The following FAM13C variants were observed in gnomAD, a reference collection of about 807,000 sequenced individuals.
FAM13C encodes the protein protein FAM13C.
FAM13C carries 37 observed loss-of-function variants against 73.2 expected under a neutral mutation model. The observed-to-expected ratio is 0.51, with a 90% CI of 0.39 to 0.67. FAM13C has a LOEUF of 0.67. FAM13C is among the 30% of genes least tolerant of loss of function. FAM13C has a pLI of 0.00. For missense variants in FAM13C, 589 were observed against 715.6 expected, an observed-to-expected ratio of 0.82 and a Z score of 2.02; for synonymous variants, 246 against 260.9, an observed-to-expected ratio of 0.94 and a Z score of 0.55.
At chr10:59,317,324 A>G (rs1465955143) in intron 4 of FAM13C, among the ~76,000 whole-genome samples, 1 of 152,132 alleles carries the variant, frequency 6.6e-6, no homozygotes. Flanking sequence ...AAAGTTCTAA[A>G]TTAGGTTTAA....
At chr10:59,323,653 A>G (rs1343584927) in intron 4 of FAM13C, among the ~76,000 whole-genome samples, 1 of 152,196 alleles carries the variant, frequency 6.6e-6, no homozygotes, top group African/African-American at 2.4e-5. Context: ...ATTTATCACT[A>G]TCACAAAGGA....
chr10:59,328,518 TCCATTCTAATCCCA>T (rs907887556), intron 3 of FAM13C, among the ~76,000 whole-genome samples: 51 of 147,256 alleles, frequency 3.5e-4, no homozygotes, highest in Middle Eastern at 3.4e-3. Context: ...AAAACAATAT[TCCATTCTAATCCCA>T]CCATTCTAAT....
chr10:59,330,783 C>T (rs774936641), intron 3 of FAM13C, among the ~76,000 whole-genome samples: 1 of 152,140 alleles, frequency 6.6e-6, no homozygotes, highest in South Asian at 2.1e-4. Flanking sequence ...CAGAAGGCTC[C>T]AAACAGCAAA....
chr10:59,307,697 A>T (rs1044720025), intron 4 of FAM13C, among the ~76,000 whole-genome samples: 3 of 152,216 alleles, frequency 2.0e-5, no homozygotes, highest in Non-Finnish European at 2.9e-5. Flanking sequence ...TAAACCAGTG[A>T]TTATCTATGG....
chr10:59,294,550 T>A (rs1044648308), intron 5 of FAM13C, among the ~76,000 whole-genome samples: 6 of 152,168 alleles, frequency 3.9e-5, no homozygotes, highest in African/African-American at 1.4e-4. Context: ...ACACTAAGGA[T>A]TCCCCTGAGG....
chr10:59,277,274 T>C (rs1397422683), intron 6 of FAM13C, among the ~76,000 whole-genome samples: 1 of 152,230 alleles, frequency 6.6e-6, no homozygotes, highest in Non-Finnish European at 1.5e-5. Context: ...AATGTGCATC[T>C]CTAGGAAGGG....
At chr10:59,314,915 G>C (rs1479765203) in intron 4 of FAM13C, among the ~76,000 whole-genome samples, 4 of 152,174 alleles carry the variant, frequency 2.6e-5, no homozygotes, top group Non-Finnish European at 5.9e-5. Flanking sequence ...ATCATCTGTA[G>C]TATTTGGTTT....
rs1267252162 is a variant in FAM13C, at chr10:59,322,211, T to C, written c.443+1777A>G. ...TGTAATATTTTGAGATGGATTTTTT[T>C]AAAGTTCCATTAGAATGTCCCTTGG... On this transcript the variant is annotated intron_variant, in intron 4 of 13. Coordinates refer to ENST00000618804, the MANE Select transcript of FAM13C (RefSeq NM_198215.4). Among the ~76,000 whole-genome samples the C allele has an allele frequency of 2.7e-5, 4 of 150,078 alleles. No individual in the cohort carries two copies. In the East Asian group the frequency reaches 7.9e-4, roughly 30 times the overall value.
intron 2 of FAM13C, among the ~76,000 whole-genome samples, chr10:59,352,998 A>G (rs1855271937): frequency 6.6e-6 from 1 of 152,154 alleles, no homozygotes; most frequent in Admixed American, 6.5e-5. Flanking sequence ...TCATCCCCCT[A>G]CAACTTTCAG....
At chr10:59,289,702 A>T (rs557774066) in intron 5 of FAM13C, among the ~76,000 whole-genome samples, 1 of 152,324 alleles carries the variant, frequency 6.6e-6, no homozygotes, top group Admixed American at 6.5e-5. Context: ...GGAGTGAGTG[A>T]CTAACCACCC....
upstream of FAM13C, chr10:59,363,113 T>C (rs374280724): frequency 4.7e-3 from 727 of 155,244 alleles, 3 homozygotes; most frequent in Non-Finnish European, 7.1e-3. Context: ...TCACACCTGA[T>C]CTGTCTAGAG....
intron 3 of FAM13C, among the ~76,000 whole-genome samples, chr10:59,336,159 TTGTGCTCAAAAA>T (rs1213470648): frequency 6.6e-6 from 1 of 152,174 alleles, no homozygotes; most frequent in Admixed American, 6.5e-5. Context: ...CACAGTAAAA[TTGTGCTCAAAAA>T]TAATCCAACA....
chr10:59,285,481 C>A (rs539011123), intron 5 of FAM13C, among the ~76,000 whole-genome samples: 1 of 152,274 alleles, frequency 6.6e-6, no homozygotes, highest in Non-Finnish European at 1.5e-5. Flanking sequence ...TGAAGATTAA[C>A]AAATAATGCC....
At chr10:59,343,068 A>G in intron 3 of FAM13C, among the ~76,000 whole-genome samples, 1 of 152,214 alleles carries the variant, frequency 6.6e-6, no homozygotes, top group East Asian at 1.9e-4. Context: ...AAATCATGGC[A>G]CCACAGGTTC....
intron 3 of FAM13C, among the ~76,000 whole-genome samples, chr10:59,334,383 A>G (rs1300787782): frequency 6.6e-6 from 1 of 152,198 alleles, no homozygotes; most frequent in Non-Finnish European, 1.5e-5. Flanking sequence ...GTTAATGGTA[A>G]TTCAAATATG....
chr10:59,343,825 C>T (rs572781903), intron 3 of FAM13C, among the ~76,000 whole-genome samples: 3 of 152,072 alleles, frequency 2.0e-5, no homozygotes, highest in African/African-American at 4.8e-5. Flanking sequence ...TAAATCACTA[C>T]GTATTTGGGT....
At chr10:59,291,524 T>G (rs1246964280) in intron 5 of FAM13C, among the ~76,000 whole-genome samples, 1 of 152,170 alleles carries the variant, frequency 6.6e-6, no homozygotes, top group African/African-American at 2.4e-5. Flanking sequence ...GAGCAAGCTA[T>G]TCACTTTAAG....
chr10:59,263,617 C>A (rs181803064), intron 9 of FAM13C, among the ~76,000 whole-genome samples: 1 of 152,114 alleles, frequency 6.6e-6, no homozygotes, highest in Non-Finnish European at 1.5e-5. Flanking sequence ...CAGAGAAAGA[C>A]AGAAAAAGAA....
chr10:59,326,926 A>G (rs1040375587), intron 3 of FAM13C, among the ~76,000 whole-genome samples: 1 of 152,252 alleles, frequency 6.6e-6, no homozygotes, highest in African/African-American at 2.4e-5. Flanking sequence ...TAACTAAAAC[A>G]CATTACCTTT....
Sources: allele counts gnomAD v4.1 joint callset (sites outside exome capture counted in the v4.1 genomes callset), GRCh38; gene constraint gnomAD v4.1.1; transcripts MANE v1.5; gene names NCBI Gene and HGNC (gene_info 2026-07-23, HGNC 2026-07-21).